The following SAMSN1 variants were observed in gnomAD, a reference collection of about 807,000 sequenced individuals.
SAMSN1 encodes SAM domain, SH3 domain and nuclear localization signals 1.
SAMSN1 carries 31 observed loss-of-function variants against 42.0 expected under a neutral mutation model. The observed-to-expected ratio is 0.74, with a 90% CI of 0.55 to 1.00. The LOEUF is 1.00. SAMSN1 is among the 50% of genes least tolerant of loss of function. The probability of loss-of-function intolerance (pLI) is 0.00; values close to 1 mark genes in which losing one functional copy is unlikely to be tolerated. For missense variants in SAMSN1, 464 were observed against 439.4 expected (o/e 1.06, Z -0.50); for synonymous variants, 178 against 151.9 (o/e 1.17, Z -1.26).
intron 1 of SAMSN1, chr21:14,643,191 G>A (rs758535548): frequency 1.8e-5 from 13 of 703,498 alleles, no homozygotes; most frequent in Admixed American, 6.2e-5. Flanking sequence ...TCCTTTAAAA[G>A]GTACCTAATT....
intron 2 of SAMSN1, among the ~76,000 whole-genome samples, chr21:14,565,595 C>G (rs1027291956): frequency 6.6e-6 from 1 of 152,134 alleles, no homozygotes; most frequent in Non-Finnish European, 1.5e-5. Context: ...GATCTAAGCA[C>G]CAGCACATAA....
At chr21:14,636,609 G>C (rs543607420) in intron 2 of SAMSN1, among the ~76,000 whole-genome samples, 4 of 152,174 alleles carry the variant, frequency 2.6e-5, no homozygotes, top group African/African-American at 4.8e-5. Flanking sequence ...TTAGGAGGTC[G>C]AGGCAGGCGG....
upstream of SAMSN1, among the ~76,000 whole-genome samples, chr21:14,587,161 T>G (rs1220227139): frequency 2.0e-5 from 3 of 152,226 alleles, no homozygotes; most frequent in African/African-American, 7.2e-5. Flanking sequence ...ATGTGCTTCA[T>G]GTTATTCATC....
rs376264144 is a variant in SAMSN1, at chr21:14,552,035, A to C, written c.261+30101T>G. ...TGTTGAGTTGCTGGCTTCTGGTTGA[A>C]AAGAGAGTTGGTTCAATCATTACAT... On this transcript the variant is annotated intron_variant, in intron 2 of 8. Transcript: ENST00000285670. Among the ~76,000 whole-genome samples, 14 of 152,224 alleles carry C rather than the reference A, an allele frequency of 9.2e-5. No individual in the cohort carries two copies. In the East Asian group the frequency reaches 1.3e-3, roughly 15 times the overall value.
At chr21:14,558,249 G>A (rs1396137047) in intron 2 of SAMSN1, among the ~76,000 whole-genome samples, 3 of 151,928 alleles carry the variant, frequency 2.0e-5, no homozygotes, top group Non-Finnish European at 4.4e-5. Flanking sequence ...ACAAGTAACA[G>A]GATTAAAATT....
chr21:14,516,978 C>G lies in SAMSN1; in HGVS notation c.193G>C (p.Gly65Arg). ...EQSKTSNNGGGLGKKMRAISW... is the reference protein window; with the variant it reads ...EQSKTSNNGGRLGKKMRAISW... ...ATAGCTCTCATTTTTTTACCCAAAC[C>G]GCCTCCATTATTTGAAGTTTTACTT... Residue 65 changes from glycine to arginine, a missense_variant, in exon 3 of 8, where the codon GGT becomes CGT. Transcript: ENST00000400566. The G allele has an allele frequency of 2.5e-6, 4 of 1,613,018 alleles. No homozygotes were observed. Among genetic ancestry groups the G allele is most frequent in the Non-Finnish European group, 3.4e-6 (4 of 1,179,390 alleles).
At chr21:14,490,901 G>T (rs1477964026) in intron 7 of SAMSN1, among the ~76,000 whole-genome samples, 1 of 152,136 alleles carries the variant, frequency 6.6e-6, no homozygotes, top group African/African-American at 2.4e-5. Flanking sequence ...CAGAGGCAGA[G>T]GCATACTCAC....
intron 2 of SAMSN1, among the ~76,000 whole-genome samples, chr21:14,567,185 A>G (rs1177303464): frequency 6.6e-6 from 1 of 152,070 alleles, no homozygotes; most frequent in Admixed American, 6.6e-5. Context: ...CGGTGTTGTC[A>G]GAAGACAGAA....
intron 2 of SAMSN1, among the ~76,000 whole-genome samples, chr21:14,620,090 C>T (rs768893460): frequency 4.5e-4 from 68 of 152,076 alleles, no homozygotes; most frequent in Admixed American, 3.5e-3. Flanking sequence ...ATGGAAATTT[C>T]GGTTTCTATG....
chr21:14,491,395 A>G (rs777334159), intron 7 of SAMSN1, among the ~76,000 whole-genome samples: 1 of 152,116 alleles, frequency 6.6e-6, no homozygotes, highest in Non-Finnish European at 1.5e-5. Flanking sequence ...GGCATAAGCC[A>G]CCATGCCTAG....
intron 1 of SAMSN1, among the ~76,000 whole-genome samples, chr21:14,655,294 A>G (rs1451974471): frequency 6.7e-6 from 1 of 149,032 alleles, no homozygotes; most frequent in Non-Finnish European, 1.5e-5. Flanking sequence ...AACATGATAC[A>G]CACAGGTAAA....
chr21:14,586,839 T>C (rs553140462), upstream of SAMSN1, among the ~76,000 whole-genome samples: 22 of 152,268 alleles, frequency 1.4e-4, 1 homozygote, highest in Middle Eastern at 6.8e-3. Context: ...GAGACTTGCA[T>C]TGGAGAAAAA....
At chr21:14,646,702 A>G (rs527575320) in intron 1 of SAMSN1, among the ~76,000 whole-genome samples, 7 of 152,322 alleles carry the variant, frequency 4.6e-5, no homozygotes, top group African/African-American at 1.7e-4. Flanking sequence ...TAATAACTAC[A>G]ACAGCTTTTC....
At chr21:14,554,621 A>T (rs1221850030) in intron 2 of SAMSN1, among the ~76,000 whole-genome samples, 1 of 151,718 alleles carries the variant, frequency 6.6e-6, no homozygotes, top group Admixed American at 6.6e-5. Context: ...GTATGAAAAA[A>T]CCCGACTGGA....
chr21:14,531,059 A>G (rs908605984), intron 1 of SAMSN1, among the ~76,000 whole-genome samples: 12 of 152,110 alleles, frequency 7.9e-5, no homozygotes, highest in Non-Finnish European at 1.5e-4. Flanking sequence ...AACAAAAACA[A>G]ATAATTCTAC....
At chr21:14,493,574 A>AACGCAC (rs1555826736) in intron 7 of SAMSN1, among the ~76,000 whole-genome samples, 3 of 102,202 alleles carry the variant, frequency 2.9e-5, no homozygotes, top group African/African-American at 8.5e-5. Context: ...TTTATGGAAC[A>AACGCAC]ACACACACAC....
Position 14,500,588 on chromosome 21 carries a change from T to G in SAMSN1, c.709A>C (p.Arg237=). 6.2e-7 allele frequency: 1 copy of G among 1,614,172 alleles called. No individual in the cohort carries two copies. Among genetic ancestry groups the G allele is most frequent in the Non-Finnish European group, 8.5e-7 (1 of 1,180,030 alleles). The change falls in exon 6 of 8, where the codon AGG becomes CGG. Residue 237 remains arginine (R), a synonymous_variant. Coordinates refer to ENST00000400566, the MANE Select transcript of SAMSN1 (RefSeq NM_022136.5). The part of the protein sequence containing the change: ...AAPKKIKANR[R]SNSKKSKTLQ... ...GTCTTGGATTTTTTGCTGTTACTCC[T>G]TCGGTTTGCCTTTATTTTCTTGGGG...
chr21:14,610,774 T>G (rs1982684747), intron 4 of SAMSN1, among the ~76,000 whole-genome samples: 1 of 152,212 alleles, frequency 6.6e-6, no homozygotes, highest in South Asian at 2.1e-4. Flanking sequence ...GTTCTAGTCC[T>G]TCATGGACAA....
At chr21:14,615,734 T>A (rs1382157976) in intron 3 of SAMSN1, among the ~76,000 whole-genome samples, 1 of 152,050 alleles carries the variant, frequency 6.6e-6, no homozygotes, top group East Asian at 1.9e-4. Flanking sequence ...TAGACACATG[T>A]TTCTTCTGAA....
Sources: allele counts gnomAD v4.1 joint callset (sites outside exome capture counted in the v4.1 genomes callset), GRCh38; gene constraint gnomAD v4.1.1; transcripts MANE v1.5; gene names NCBI Gene and HGNC (gene_info 2026-07-23, HGNC 2026-07-21).